PDLIM3: variants seen among roughly 807,000 people sequenced by gnomAD.
The protein encoded by PDLIM3 is PDZ and LIM domain protein 3.
Under a neutral mutation model 37.3 loss-of-function variants are expected in PDLIM3, and 36 were observed. The observed-to-expected ratio is 0.97, with a 90% CI of 0.74 to 1.28. The LOEUF is 1.28. PDLIM3 is among the 50% of genes most tolerant of loss of function. The pLI is 0.00. For synonymous variants in PDLIM3, 174 were observed against 182.4 expected (o/e 0.95, Z 0.37); for missense variants, 454 against 485.0 (o/e 0.94, Z 0.60).
chr4:185,530,431 C>T (rs2095741940), intron 1 of PDLIM3, among the ~76,000 whole-genome samples: 1 of 152,162 alleles, frequency 6.6e-6, no homozygotes, highest in African/African-American at 2.4e-5. Flanking sequence ...GCTCATATAG[C>T]ATTCTCAGTT....
chr4:185,517,417 T>A (rs1286199262), intron 3 of PDLIM3: 1 of 144,316 alleles, frequency 6.9e-6, no homozygotes, highest in Non-Finnish European at 1.5e-5. Flanking sequence ...GTAAATAGAA[T>A]TGAATTAATA....
chr4:185,524,204 G>T (rs766249763), intron 2 of PDLIM3, among the ~76,000 whole-genome samples: 1 of 152,188 alleles, frequency 6.6e-6, no homozygotes, highest in Non-Finnish European at 1.5e-5. Flanking sequence ...TCATGCATCT[G>T]CCTGGGACCT....
At chr4:185,526,339 C>T (rs184017600) in intron 1 of PDLIM3, among the ~76,000 whole-genome samples, 1 of 152,256 alleles carries the variant, frequency 6.6e-6, no homozygotes, top group Non-Finnish European at 1.5e-5. Flanking sequence ...TTAATTAAAC[C>T]ATAGCAGCAA....
chr4:185,525,551 C>T (rs1002854971), intron 1 of PDLIM3, among the ~76,000 whole-genome samples: 2 of 152,156 alleles, frequency 1.3e-5, no homozygotes, highest in African/African-American at 4.8e-5. Flanking sequence ...CAGGTTGAAA[C>T]TGCTTTCAAT....
chr4:185,506,870 C>T, intron 5 of PDLIM3: 1 of 529,430 alleles, frequency 1.9e-6, no homozygotes, highest in Non-Finnish European at 3.4e-6. Context: ...GGGAGTCACA[C>T]CCACACTCCT....
intron 1 of PDLIM3, 134 bp downstream of exon 1, chr4:185,535,207 CG>C: frequency 1.4e-6 from 1 of 713,172 alleles, no homozygotes; most frequent in Non-Finnish European, 2.3e-6. Context: ...CGCCGAAGCC[CG>C]GGAGCCAGCA....
At chr4:185,510,966 A>G (rs1177077013) in intron 4 of PDLIM3, among the ~76,000 whole-genome samples, 1 of 152,252 alleles carries the variant, frequency 6.6e-6, no homozygotes, top group Non-Finnish European at 1.5e-5. Flanking sequence ...CCTGTTCCTG[A>G]TGACCTGGAA....
intron 4 of PDLIM3, chr4:185,513,242 C>A: frequency 2.0e-6 from 2 of 985,456 alleles, no homozygotes; most frequent in Non-Finnish European, 2.4e-6. Context: ...TGGTCCAGGG[C>A]TCCTTTCTGG....
At chr4:185,525,899 A>C (rs2095733264) in intron 1 of PDLIM3, among the ~76,000 whole-genome samples, 1 of 152,236 alleles carries the variant, frequency 6.6e-6, no homozygotes. Context: ...GGTCTCCAGA[A>C]CAGTGAGAAA....
At chr4:185,509,599 T>C (rs2095703469) in intron 4 of PDLIM3, among the ~76,000 whole-genome samples, 1 of 152,140 alleles carries the variant, frequency 6.6e-6, no homozygotes. Flanking sequence ...CAAGAGATTT[T>C]TGTAAAAAAA....
At chr4:185,534,029 A>G (rs2153340239) in intron 1 of PDLIM3, among the ~76,000 whole-genome samples, 1 of 152,332 alleles carries the variant, frequency 6.6e-6, no homozygotes, top group East Asian at 1.9e-4. Flanking sequence ...AGGTCACTGA[A>G]GCATTTTCTG....
intron 4 of PDLIM3, among the ~76,000 whole-genome samples, chr4:185,509,338 C>T (rs984363896): frequency 1.3e-5 from 2 of 152,198 alleles, no homozygotes; most frequent in Non-Finnish European, 2.9e-5. Context: ...TGGTGTTTCA[C>T]TCTTTCGATG....
intron 3 of PDLIM3, chr4:185,515,877 TTC>T (rs1292025357): frequency 6.6e-6 from 1 of 152,158 alleles, no homozygotes; most frequent in Non-Finnish European, 1.5e-5. Context: ...GGTCAGCTGA[TTC>T]TCTTTCCAAA....
At position 185,502,336 on chromosome 4, in the gene PDLIM3, G is replaced by A. The variant is rs369891118; in HGVS notation, c.1053C>T (p.Pro351=). The A allele has an allele frequency of 3.1e-5, 50 of 1,614,090 alleles. No homozygotes were observed. In the African/African-American group the frequency reaches 5.5e-4, roughly 18 times the overall value. ...CETHARARTK[P]PEGYDTVTLY... is the part of the protein sequence containing the mutation. ...GAGTGACCGTGTCATAGCCCTCTGG[G>A]GGCTTTGTGCGGGCTCTTGCGTGGG... Residue 351 remains proline (P), a synonymous_variant, in exon 8 of 8, where the codon CCC becomes CCT. Transcript: ENST00000284767.
chr4:185,502,971 A>G (rs561996742), intron 7 of PDLIM3, among the ~76,000 whole-genome samples: 1 of 152,096 alleles, frequency 6.6e-6, no homozygotes, highest in Non-Finnish European at 1.5e-5. Context: ...CTCACGCCTG[A>G]AATCCCAGCA....
chr4:185,530,660 G>A (rs1258903783), intron 1 of PDLIM3, among the ~76,000 whole-genome samples: 1 of 152,178 alleles, frequency 6.6e-6, no homozygotes, highest in Non-Finnish European at 1.5e-5. Flanking sequence ...CCTACAAATA[G>A]TAATTGGAAT....
chr4:185,529,996 G>A (rs1450876848), intron 1 of PDLIM3, among the ~76,000 whole-genome samples: 3 of 152,168 alleles, frequency 2.0e-5, no homozygotes, highest in Non-Finnish European at 2.9e-5. Flanking sequence ...GATAGGTTGT[G>A]TGATGGCAGT....
chr4:185,505,003 G>C (rs946620927), intron 6 of PDLIM3, among the ~76,000 whole-genome samples: 1 of 146,014 alleles, frequency 6.8e-6, no homozygotes, highest in Non-Finnish European at 1.5e-5. Context: ...CCATGAAACA[G>C]TAACTCCCCA....
In PDLIM3 at chr4:185,504,389, G is replaced by A. The variant is rs1580232934; in HGVS notation, c.905+86C>T. 3.6e-6 allele frequency: 4 copies of A among 1,124,820 alleles called. No individual in the cohort carries two copies. In the South Asian group the frequency reaches 5.2e-5, roughly 15 times the overall value. 69.7% of individuals were successfully genotyped at this position (1,124,820 alleles called of 1,614,324 possible). Reference sequence around the variant, plus strand: ...GAATAGAAATTTGGTTTTCACAGTTGCCTTTAGTCTATAAAGTCTTAAAGG... The same window carrying A: ...GAATAGAAATTTGGTTTTCACAGTTACCTTTAGTCTATAAAGTCTTAAAGG... On this transcript the variant is annotated intron_variant, in intron 7 of 7. Coordinates refer to ENST00000284767, the MANE Select transcript of PDLIM3 (RefSeq NM_014476.6). This position sits in a 1 kb window ranked among gnomAD's most constrained non-coding sequence, Gnocchi z 4.7.
Sources: gnomAD v4.1 joint callset for allele counts (sites outside exome capture counted in the v4.1 genomes callset) on GRCh38, gnomAD v4.1.1 for gene constraint, Gnocchi (gnomAD v3.1) non-coding constraint, MANE v1.5 for transcripts, NCBI Gene and HGNC (gene_info 2026-07-23, HGNC 2026-07-21) for gene names.